GNAQ: variants seen among roughly 807,000 people sequenced by gnomAD.
The protein encoded by GNAQ is guanine nucleotide-binding protein G(q) subunit alpha.
In GNAQ, 8 loss-of-function variants were observed where a neutral mutation model predicts 43.9. The ratio of observed to expected loss-of-function variants is 0.18; its 90% CI spans 0.11 to 0.33. GNAQ has a LOEUF of 0.33. Ranked by LOEUF, GNAQ falls within the 10% of genes least tolerant of loss-of-function variation. GNAQ has a pLI of 1.00. For synonymous variants in GNAQ, 155 were observed against 170.7 expected (o/e 0.91, Z 0.71); for missense variants, 158 against 450.8 (o/e 0.35, Z 5.88).
At chr9:77,994,895 C>T (rs1823549808) in intron 1 of GNAQ, among the ~76,000 whole-genome samples, 1 of 152,164 alleles carries the variant, frequency 6.6e-6, no homozygotes. Context: ...TAAGTTTCTC[C>T]ACTTTCTAGG....
At chr9:77,729,809 C>G (rs1825459837) in intron 5 of GNAQ, among the ~76,000 whole-genome samples, 1 of 152,150 alleles carries the variant, frequency 6.6e-6, no homozygotes, top group Non-Finnish European at 1.5e-5. Flanking sequence ...GGTTTGGTGG[C>G]GTACACCAGA....
intron 3 of GNAQ, among the ~76,000 whole-genome samples, chr9:77,814,084 G>A (rs767899351): frequency 6.6e-6 from 1 of 152,040 alleles, no homozygotes; most frequent in Non-Finnish European, 1.5e-5. Flanking sequence ...AACATGGGGA[G>A]ATAGATGGAA....
At chr9:77,754,809 T>C (rs1270981284) in intron 5 of GNAQ, among the ~76,000 whole-genome samples, 1 of 152,172 alleles carries the variant, frequency 6.6e-6, no homozygotes, top group Non-Finnish European at 1.5e-5. Flanking sequence ...TATGGAGATA[T>C]AACCAGTATG....
At chr9:77,809,414 G>A (rs1826879091) in intron 3 of GNAQ, among the ~76,000 whole-genome samples, 1 of 152,156 alleles carries the variant, frequency 6.6e-6, no homozygotes, top group Non-Finnish European at 1.5e-5. Flanking sequence ...TTTTGGTACT[G>A]TAGGCAGTGA....
At chr9:77,738,288 C>T (rs1394510624) in intron 5 of GNAQ, among the ~76,000 whole-genome samples, 1 of 151,268 alleles carries the variant, frequency 6.6e-6, no homozygotes, top group Non-Finnish European at 1.5e-5. Flanking sequence ...AGTTCTGATA[C>T]TACTTGAATG....
intron 5 of GNAQ, among the ~76,000 whole-genome samples, chr9:77,737,987 T>C (rs1443809235): frequency 6.6e-6 from 1 of 152,200 alleles, no homozygotes; most frequent in African/African-American, 2.4e-5. Flanking sequence ...ACTCTTCTTT[T>C]TTTTGAGTAT....
chr9:77,782,774 T>C (rs188799139), intron 5 of GNAQ, among the ~76,000 whole-genome samples: 48 of 152,330 alleles, frequency 3.2e-4, no homozygotes, highest in Admixed American at 5.2e-4. Flanking sequence ...AATGGATAAA[T>C]TGTATTACAT....
At chr9:77,907,318 C>A (rs1828725395) in intron 2 of GNAQ, among the ~76,000 whole-genome samples, 1 of 152,072 alleles carries the variant, frequency 6.6e-6, no homozygotes. Flanking sequence ...AATGGACAAA[C>A]ACCCAGCACT....
intron 1 of GNAQ, among the ~76,000 whole-genome samples, chr9:77,997,417 T>C (rs1210898969): frequency 1.3e-5 from 2 of 152,192 alleles, no homozygotes; most frequent in Non-Finnish European, 2.9e-5. Flanking sequence ...AGCTCCAACT[T>C]CCTCTGCCAT....
At chr9:77,977,165 T>C (rs1823313109) in intron 1 of GNAQ, among the ~76,000 whole-genome samples, 1 of 152,040 alleles carries the variant, frequency 6.6e-6, no homozygotes, top group African/African-American at 2.4e-5. Context: ...AGGCAACTAT[T>C]TATAAAGCCT....
rs545575616 is a variant in GNAQ, at chr9:78,021,045, CT to C, written c.136+10054del. Among the ~76,000 whole-genome samples, 853 of 112,182 alleles carry C rather than the reference CT, an allele frequency of 7.6e-3. 3 individuals are homozygous for C. The highest frequency in any genetic ancestry group is 0.011 in the Non-Finnish European group (619 of 56,166). 73.6% of individuals were successfully genotyped at this position (112,182 alleles called of 152,430 possible). On this transcript the variant is annotated intron_variant, in intron 1 of 6. Coordinates refer to ENST00000286548, the MANE Select transcript of GNAQ (RefSeq NM_002072.5). ...TGCAAACGAGGAACACAGGAAGCTG[CT>C]TTTTTTTTTTTTTTTTTTTTTGAGA...
chr9:78,029,469 A>T (rs201235529), intron 1 of GNAQ, among the ~76,000 whole-genome samples: 25 of 91,350 alleles, frequency 2.7e-4, no homozygotes, highest in African/African-American at 5.2e-4. Flanking sequence ...AATGAGAATT[A>T]AAAAAAAAAA....
chr9:77,996,359 C>T (rs770920789), intron 1 of GNAQ, among the ~76,000 whole-genome samples: 1 of 152,142 alleles, frequency 6.6e-6, no homozygotes, highest in Non-Finnish European at 1.5e-5. Context: ...AATAGTGTTA[C>T]TGAAGTCATT....
chr9:77,970,277 T>G (rs1823221833), intron 1 of GNAQ, among the ~76,000 whole-genome samples: 1 of 151,820 alleles, frequency 6.6e-6, no homozygotes, highest in Admixed American at 6.6e-5. Flanking sequence ...CACAAACTCC[T>G]CCTCTCTACT....
chr9:77,991,458 A>G (rs1587449640), intron 1 of GNAQ, among the ~76,000 whole-genome samples: 3 of 152,344 alleles, frequency 2.0e-5, no homozygotes, highest in East Asian at 3.9e-4. Flanking sequence ...CCACACCAGG[A>G]AACAGGAAGA....
intron 5 of GNAQ, among the ~76,000 whole-genome samples, chr9:77,761,438 G>A (rs1164582786): frequency 1.5e-5 from 2 of 136,048 alleles, no homozygotes; most frequent in Admixed American, 7.1e-5. Flanking sequence ...CGCCCCTTCC[G>A]GGAGGGAGGT....
chr9:77,989,724 A>G (rs1823485675), intron 1 of GNAQ, among the ~76,000 whole-genome samples: 2 of 152,200 alleles, frequency 1.3e-5, no homozygotes, highest in Non-Finnish European at 2.9e-5. Flanking sequence ...ACATGAAGGA[A>G]TGCATTTTCT....
chr9:77,929,164 C>A (rs1400753874), intron 1 of GNAQ, among the ~76,000 whole-genome samples: 1 of 152,162 alleles, frequency 6.6e-6, no homozygotes, highest in Non-Finnish European at 1.5e-5. Flanking sequence ...TTACTTTGAG[C>A]CAATCTGCTC....
At chr9:77,805,380 G>A (rs1826811997) in intron 3 of GNAQ, among the ~76,000 whole-genome samples, 1 of 152,044 alleles carries the variant, frequency 6.6e-6, no homozygotes, top group South Asian at 2.1e-4. Flanking sequence ...TTTATTAACA[G>A]GCATTTTGTT....
Sources: allele counts gnomAD v4.1 joint callset (sites outside exome capture counted in the v4.1 genomes callset), GRCh38; gene constraint gnomAD v4.1.1; transcripts MANE v1.5; gene names NCBI Gene and HGNC (gene_info 2026-07-23, HGNC 2026-07-21).